The following PSD3 variants were observed in gnomAD, a reference collection of about 807,000 sequenced individuals.
The protein encoded by PSD3 is pleckstrin and Sec7 domain containing 3, also known as PH and SEC7 domain-containing protein 3.
In PSD3, 49 loss-of-function variants were observed where a neutral mutation model predicts 105.5. The observed-to-expected ratio is 0.46, with a 90% CI of 0.37 to 0.59. PSD3 has a LOEUF of 0.59. PSD3 is among the 20% of genes least tolerant of loss of function. PSD3 has a pLI of 0.00. For missense variants in PSD3, 1,561 were observed against 1,263.8 expected, an observed-to-expected ratio of 1.24 and a Z score of -3.57; for synonymous variants, 557 against 457.8, an observed-to-expected ratio of 1.22 and a Z score of -2.77.
chr8:18,578,971 G>C (rs977777990), intron 12 of PSD3, among the ~76,000 whole-genome samples: 17 of 152,064 alleles, frequency 1.1e-4, no homozygotes, highest in African/African-American at 3.6e-4. Flanking sequence ...AAAATTTTAA[G>C]TCTAGGAAGC....
In PSD3 at chr8:18,871,725, G is replaced by A. The variant is rs539572604; in HGVS notation, c.1139C>T (p.Ser380Phe). Residue 380 changes from serine to phenylalanine, a missense_variant, in exon 3 of 16, where the codon TCC becomes TTC. Ser to Phe is a radical substitution (Grantham distance 155, BLOSUM62 -2). Transcript: ENST00000327040. ...TCCACTCTCATCAAGACGCACAGGG[G>A]AAAATGTCCCCGAGCTAGTGCCAGG... ...ERPGTSSGTF[S>F]PVRLDESGED... The A allele has an allele frequency of 5.0e-5, 81 of 1,614,124 alleles. 1 individual carries two copies. In the South Asian group the frequency reaches 7.5e-4, roughly 15 times the overall value.
chr8:18,916,773 T>C (rs1490012724), intron 2 of PSD3, among the ~76,000 whole-genome samples: 1 of 152,098 alleles, frequency 6.6e-6, no homozygotes, highest in Non-Finnish European at 1.5e-5. Context: ...AAAGAATATG[T>C]TAATTAATTT....
chr8:18,994,784 A>G (rs1294479626), intron 1 of PSD3, among the ~76,000 whole-genome samples: 1 of 151,864 alleles, frequency 6.6e-6, no homozygotes, highest in Non-Finnish European at 1.5e-5. Flanking sequence ...ATTGAATAGC[A>G]CCCATACAGA....
At chr8:18,753,724 A>T (rs1193176289) in intron 9 of PSD3, among the ~76,000 whole-genome samples, 3 of 152,178 alleles carry the variant, frequency 2.0e-5, no homozygotes, top group Non-Finnish European at 4.4e-5. Context: ...AATGCCAAAA[A>T]ATCTTTATAA....
chr8:18,810,734 G>GA (rs1333039085), intron 4 of PSD3, among the ~76,000 whole-genome samples: 1 of 152,112 alleles, frequency 6.6e-6, no homozygotes, highest in Non-Finnish European at 1.5e-5. Context: ...CAAATTAGAA[G>GA]AATCTCAAGG....
In PSD3 at chr8:19,047,870, C is replaced by T. The variant is rs139034808; in HGVS notation, c.324+36336G>A. 5.0e-3 allele frequency among the ~76,000 whole-genome samples: 754 copies of T among 152,176 alleles called. 3 individuals are homozygous for T. The highest frequency in any genetic ancestry group is 6.9e-3 in the Non-Finnish European group (468 of 68,018). On this transcript the variant is annotated intron_variant, in intron 1 of 1. Transcript: ENST00000521475. ...GCAGTGGCCAGGTGGGCCTCTTAGT[C>T]GGAAGCCCCTGCTGTCAGATGATGC...
chr8:18,862,374 G>A (rs1317052493), intron 4 of PSD3, among the ~76,000 whole-genome samples: 4 of 71,258 alleles, frequency 5.6e-5, no homozygotes, highest in African/African-American at 2.4e-4. Flanking sequence ...ACTCCTTTGT[G>A]GTTTTTAAAA....
intron 3 of PSD3, 72 bp downstream of exon 3, chr8:18,871,554 C>T: frequency 6.6e-7 from 1 of 1,503,794 alleles, no homozygotes; most frequent in South Asian, 1.4e-5. Context: ...GTTCTCATAT[C>T]AAGTACAGGA....
intron 1 of PSD3, among the ~76,000 whole-genome samples, chr8:18,998,913 A>C (rs181664793): frequency 9.2e-5 from 14 of 152,080 alleles, no homozygotes; most frequent in Admixed American, 2.0e-4. Context: ...TTTTTGTTAT[A>C]CTTTAGTAAC....
chr8:18,950,012 T>A (rs1563454702), intron 1 of PSD3, among the ~76,000 whole-genome samples: 1 of 152,206 alleles, frequency 6.6e-6, no homozygotes, highest in Non-Finnish European at 1.5e-5. Context: ...TGCCTGACTT[T>A]CCACTGCGAA....
chr8:18,834,508 C>G (rs1813935792), intron 4 of PSD3, among the ~76,000 whole-genome samples: 1 of 152,210 alleles, frequency 6.6e-6, no homozygotes, highest in Admixed American at 6.5e-5. Context: ...GCCCCAAGAG[C>G]CTCAGCTCTC....
chr8:18,645,344 A>G (rs1213254056), intron 10 of PSD3, among the ~76,000 whole-genome samples: 1 of 152,202 alleles, frequency 6.6e-6, no homozygotes, highest in Admixed American at 6.5e-5. Context: ...ATTTAAAAAT[A>G]CTTTACTGTA....
chr8:18,799,437 A>T, intron 7 of PSD3, 84 bp from the exon 8 acceptor site: 1 of 1,076,152 alleles, frequency 9.3e-7, no homozygotes, highest in Non-Finnish European at 1.4e-6. Flanking sequence ...GGATACACTC[A>T]GAACCTATGA....
intron 9 of PSD3, among the ~76,000 whole-genome samples, chr8:18,761,373 G>C (rs1585873984): frequency 6.6e-6 from 1 of 152,122 alleles, no homozygotes; most frequent in Non-Finnish European, 1.5e-5. Context: ...AAGGGATAGG[G>C]TCCTTCCAGC....
chr8:18,934,546 G>A (rs968812529), intron 2 of PSD3, among the ~76,000 whole-genome samples: 2 of 152,078 alleles, frequency 1.3e-5, no homozygotes, highest in East Asian at 1.9e-4. Flanking sequence ...GAGTAGCTGT[G>A]ACTACAGGCA....
chr8:18,656,335 G>C (rs1204967922), intron 9 of PSD3, among the ~76,000 whole-genome samples: 1 of 150,298 alleles, frequency 6.7e-6, no homozygotes, highest in Non-Finnish European at 1.5e-5. Context: ...TGGGATTAGA[G>C]GCATGAGCCA....
intron 4 of PSD3, 91 bp from the exon 5 acceptor site, chr8:18,804,989 G>A: frequency 1.8e-6 from 2 of 1,118,946 alleles, no homozygotes; most frequent in Non-Finnish European, 2.5e-6. Flanking sequence ...TTTTCTTTTA[G>A]TTCAGCTACA....
intron 9 of PSD3, among the ~76,000 whole-genome samples, chr8:18,724,417 G>C (rs1240096707): frequency 6.6e-6 from 1 of 152,058 alleles, no homozygotes; most frequent in Non-Finnish European, 1.5e-5. Flanking sequence ...TTCAAAGCCA[G>C]CCTGGGCAAC....
intron 8 of PSD3, among the ~76,000 whole-genome samples, chr8:18,792,440 T>C (rs1694858439): frequency 1.3e-5 from 2 of 152,188 alleles, no homozygotes; most frequent in Non-Finnish European, 2.9e-5. Context: ...GAGGTCATTA[T>C]CCTTAGTAAA....
Sources: allele counts gnomAD v4.1 joint callset (sites outside exome capture counted in the v4.1 genomes callset), GRCh38; gene constraint gnomAD v4.1.1; transcripts MANE v1.5; gene names NCBI Gene and HGNC (gene_info 2026-07-23, HGNC 2026-07-21).